CNTN1: variants seen among roughly 807,000 people sequenced by gnomAD.
CNTN1 encodes contactin-1.
A neutral mutation model predicts 126.4 loss-of-function variants in CNTN1; 38 were observed. The observed-to-expected ratio is 0.30, with a 90% confidence interval of 0.23 to 0.39. The LOEUF is 0.39. Among genes scored for constraint, CNTN1 ranks in the 10% least tolerant of loss-of-function variants. CNTN1 has a pLI of 1.00. For missense variants in CNTN1, 1,009 were observed against 1,248.4 expected (o/e 0.81, Z 2.89); for synonymous variants, 413 against 422.6 (o/e 0.98, Z 0.28).
chr12:40,819,330 C>T lies in CNTN1; in HGVS notation c.-76-89027C>T, dbSNP rs567100564. ...CCAGAGACTGCGGCCACCCCTCTCA[C>T]TAGGGGCTCAGATCCAGGGAGCTCT... On this transcript the variant is annotated intron_variant, in intron 1 of 23. Coordinates refer to ENST00000551295, the MANE Select transcript of CNTN1 (RefSeq NM_001843.4). Among the ~76,000 whole-genome samples the T allele has an allele frequency of 2.6e-5, 4 of 152,300 alleles. No individual in the cohort carries two copies. The East Asian group carries it at 7.7e-4, about 30-fold the overall frequency.
chr12:40,947,518 A>G (rs903962740), intron 14 of CNTN1, among the ~76,000 whole-genome samples: 1 of 151,978 alleles, frequency 6.6e-6, no homozygotes, highest in Admixed American at 6.6e-5. Context: ...CATTTAATGT[A>G]TAACTTTTCT....
At chr12:41,005,630 T>C (rs1948471604) in intron 17 of CNTN1, among the ~76,000 whole-genome samples, 3 of 152,304 alleles carry the variant, frequency 2.0e-5, no homozygotes, top group South Asian at 2.1e-4. Context: ...TTATTCTTTT[T>C]TCTCTATTCC....
intron 1 of CNTN1, among the ~76,000 whole-genome samples, chr12:40,774,204 A>T (rs963512744): frequency 6.6e-6 from 1 of 151,590 alleles, no homozygotes; most frequent in Admixed American, 6.6e-5. Flanking sequence ...CAAATTGAAG[A>T]CTACATTTTT....
chr12:40,772,913 C>T (rs1314796797), intron 1 of CNTN1, among the ~76,000 whole-genome samples: 1 of 151,814 alleles, frequency 6.6e-6, no homozygotes, highest in East Asian at 1.9e-4. Context: ...GGAAGTGGAA[C>T]TAAAATGCAC....
At chr12:40,832,755 AT>A (rs1196771594) in intron 1 of CNTN1, among the ~76,000 whole-genome samples, 2 of 152,050 alleles carry the variant, frequency 1.3e-5, no homozygotes, top group Non-Finnish European at 2.9e-5. Flanking sequence ...CCCTGAGTAC[AT>A]TTTTCAAATG....
intron 1 of CNTN1, among the ~76,000 whole-genome samples, chr12:40,792,064 T>C (rs1940239795): frequency 6.6e-6 from 1 of 151,990 alleles, no homozygotes; most frequent in Non-Finnish European, 1.5e-5. Flanking sequence ...GAAAAAATAA[T>C]CAAGAATTCA....
chr12:40,951,881 C>T (rs549345624), intron 14 of CNTN1, among the ~76,000 whole-genome samples: 1 of 151,804 alleles, frequency 6.6e-6, no homozygotes, highest in East Asian at 1.9e-4. Context: ...ATTTATTTTT[C>T]AAGTGTTCAG....
intron 1 of CNTN1, among the ~76,000 whole-genome samples, chr12:40,704,550 A>T (rs1591990634): frequency 6.6e-6 from 1 of 152,174 alleles, no homozygotes; most frequent in South Asian, 2.1e-4. Context: ...CATATATTTT[A>T]AAAGCCATAA....
chr12:40,944,687 T>A (rs1232951896), intron 14 of CNTN1, among the ~76,000 whole-genome samples: 15 of 151,344 alleles, frequency 9.9e-5, no homozygotes, highest in African/African-American at 3.2e-4. Flanking sequence ...ACAAGTCCTA[T>A]AGTTAAACAT....
rs1048608934 is a variant in CNTN1 at position 41,071,004 on chromosome 12, C to T, written c.*969C>T. On this transcript the variant is annotated 3_prime_UTR_variant, in exon 24 of 24. Transcript: ENST00000551295. Reference sequence around the variant, plus strand: ...TTTTCTGCTTCATTCCTAAGTATTACGTTTCTTTATTGCAGATGTCAGATC... The same window carrying T: ...TTTTCTGCTTCATTCCTAAGTATTATGTTTCTTTATTGCAGATGTCAGATC... 1 of 151,872 alleles carries T rather than the reference C, an allele frequency of 6.6e-6. No individual in the cohort carries two copies. The highest frequency in any genetic ancestry group is 1.9e-4 in the East Asian group (1 of 5,184). The allele number at this position is 151,872 out of a possible 1,614,324, so 9.4% of individuals were successfully genotyped here. A position where few individuals can be genotyped will look rare whatever the true frequency, so the allele number is the denominator to read the frequency against.
chr12:41,050,515 A>G lies in CNTN1; in HGVS notation c.2981-19444A>G, dbSNP rs77828007. On this transcript the variant is annotated intron_variant, in intron 23 of 23. Coordinates refer to ENST00000551295, the MANE Select transcript of CNTN1 (RefSeq NM_001843.4). ...AGAACTCACTCACTATCACAAGAAC[A>G]GCAAGGGAGACATTCATCCCCATGA... Among the ~76,000 whole-genome samples, 469 of 152,288 alleles carry G rather than the reference A, an allele frequency of 3.1e-3. 2 individuals are homozygous for G. The highest frequency in any genetic ancestry group is 0.011 in the African/African-American group (457 of 41,556).
At chr12:40,712,603 T>C (rs1360072892) in intron 1 of CNTN1, among the ~76,000 whole-genome samples, 2 of 151,952 alleles carry the variant, frequency 1.3e-5, no homozygotes, top group Non-Finnish European at 2.9e-5. Context: ...CCCCATAGCC[T>C]AACGTGTAAC....
chr12:40,840,615 T>G (rs537877327), intron 1 of CNTN1, among the ~76,000 whole-genome samples: 1 of 152,084 alleles, frequency 6.6e-6, no homozygotes, highest in Admixed American at 6.5e-5. Context: ...CTCATCAATT[T>G]TTTTTAAAAA....
At chr12:40,843,369 AAAG>A (rs1254528228) in intron 1 of CNTN1, among the ~76,000 whole-genome samples, 1 of 152,210 alleles carries the variant, frequency 6.6e-6, no homozygotes, top group Non-Finnish European at 1.5e-5. Context: ...TTTTAATAAA[AAAG>A]AAATTGTGGC....
intron 1 of CNTN1, among the ~76,000 whole-genome samples, chr12:40,785,829 A>G (rs1304095822): frequency 6.6e-6 from 1 of 152,158 alleles, no homozygotes; most frequent in Non-Finnish European, 1.5e-5. Flanking sequence ...CTTTTAAACA[A>G]CCAGATCTCA....
At position 40,971,242 on chromosome 12, in the gene CNTN1, T is replaced by TGG. The variant is rs543004080; in HGVS notation, c.1805-9665_1805-9664dup. Among the ~76,000 whole-genome samples, 21 of 152,294 alleles carry TGG rather than the reference T, an allele frequency of 1.4e-4. No individual in the cohort carries two copies. In the East Asian group the frequency reaches 2.1e-3, roughly 15 times the overall value. ...CTGTGTATGAGGGAAAGGTTTTAAT[T>TGG]GGGCCACAGCTTGTGGCATCGGTCT... On this transcript the variant is annotated intron_variant, in intron 15 of 23. Transcript: ENST00000551295.
At chr12:40,890,150 C>T (rs1447405923) in intron 1 of CNTN1, among the ~76,000 whole-genome samples, 1 of 152,132 alleles carries the variant, frequency 6.6e-6, no homozygotes, top group Non-Finnish European at 1.5e-5. Flanking sequence ...TGTGACTCCC[C>T]ACTGTACTTT....
At chr12:41,050,300 G>A (rs1566219252) in intron 23 of CNTN1, among the ~76,000 whole-genome samples, 1 of 152,150 alleles carries the variant, frequency 6.6e-6, no homozygotes, top group Non-Finnish European at 1.5e-5. Flanking sequence ...CTGAAACTGG[G>A]TAATTTATAA....
intron 6 of CNTN1, among the ~76,000 whole-genome samples, chr12:40,928,776 A>G (rs1206931843): frequency 6.6e-6 from 1 of 152,056 alleles, no homozygotes; most frequent in Non-Finnish European, 1.5e-5. Flanking sequence ...TTTCATAGTC[A>G]TTGTGCTTTC....
Sources: gnomAD v4.1 joint callset for allele counts (sites outside exome capture counted in the v4.1 genomes callset) on GRCh38, gnomAD v4.1.1 for gene constraint, MANE v1.5 for transcripts, NCBI Gene and HGNC (gene_info 2026-07-23, HGNC 2026-07-21) for gene names.